Variants in IQSEC1 observed in about 807,000 individuals in gnomAD.
IQSEC1 encodes IQ motif and Sec7 domain ArfGEF 1, also known as IQ motif and SEC7 domain-containing protein 1.
A neutral mutation model predicts 91.0 loss-of-function variants in IQSEC1; 31 were observed. The observed-to-expected ratio is 0.34, with a 90% CI of 0.26 to 0.46. The LOEUF is 0.46. IQSEC1 is among the 20% of genes least tolerant of loss of function. The pLI is 1.00. For missense variants in IQSEC1, 1,388 were observed against 1,575.6 expected (o/e 0.88, Z 2.02); for synonymous variants, 699 against 662.6 (o/e 1.05, Z -0.84).
At chr3:12,953,048 T>C (rs1699664253) in intron 1 of IQSEC1, among the ~76,000 whole-genome samples, 1 of 152,192 alleles carries the variant, frequency 6.6e-6, no homozygotes, top group Non-Finnish European at 1.5e-5. Context: ...GGGAGGCCAG[T>C]CAGCTGCTGA....
At chr3:13,136,021 C>T (rs1311587668) in intron 2 of IQSEC1, among the ~76,000 whole-genome samples, 1 of 152,234 alleles carries the variant, frequency 6.6e-6, no homozygotes, top group Non-Finnish European at 1.5e-5. Context: ...GCGGTGCAGA[C>T]CCAGCCCTCC....
chr3:13,133,028 A>T (rs1217017687), intron 2 of IQSEC1, among the ~76,000 whole-genome samples: 2 of 152,246 alleles, frequency 1.3e-5, no homozygotes, highest in Non-Finnish European at 2.9e-5. Context: ...TGACATCAAC[A>T]TCGACATGGC....
chr3:12,981,137 C>A (rs539907370), intron 1 of IQSEC1, among the ~76,000 whole-genome samples: 3 of 152,136 alleles, frequency 2.0e-5, no homozygotes, highest in Non-Finnish European at 4.4e-5. Context: ...TGAGGCTTGG[C>A]GGGGTCGTGC....
rs926532139 is a variant in IQSEC1 at position 13,204,325 on chromosome 3, G to T, written c.273-40192C>A. ...AGCGCTGGTGCCCACTGACTCCCCC[G>T]ATGATCCCAGCCAAGAGAGACGGAG... is the stretch of plus-strand genomic sequence containing the variant. On this transcript the variant is annotated intron_variant, in intron 1 of 15. Coordinates refer to the IQSEC1 transcript ENST00000648114. 3.9e-5 allele frequency among the ~76,000 whole-genome samples: 6 copies of T among 152,270 alleles called. No individual in the cohort carries two copies. In the East Asian group the frequency reaches 1.2e-3, roughly 29 times the overall value.
chr3:13,164,431 C>G (rs1174538882), intron 1 of IQSEC1, among the ~76,000 whole-genome samples: 1 of 152,084 alleles, frequency 6.6e-6, no homozygotes, highest in South Asian at 2.1e-4. Context: ...CCCCAGGAGT[C>G]AAGAGCAAAG....
At position 12,983,251 on chromosome 3, in the gene IQSEC1, C is replaced by T. The variant is rs1207978883; in HGVS notation, c.24-41386G>A. On this transcript the variant is annotated intron_variant, in intron 1 of 13. Transcript: ENST00000613206. The surrounding 1 kb of genome is among the most constrained non-coding windows in gnomAD (Gnocchi z 4.3). ...AACAGGGGTTTCACCCAACCTTCCC[C>T]AGGTTGGGCATGGTGGCAAATTTAG... Among the ~76,000 whole-genome samples, 1 of 152,246 alleles carries T rather than the reference C, an allele frequency of 6.6e-6. No individual in the cohort carries two copies. The highest frequency in any genetic ancestry group is 2.4e-5 in the African/African-American group (1 of 41,464).
chr3:13,160,224 C>T (rs550443242), intron 2 of IQSEC1, among the ~76,000 whole-genome samples: 4 of 152,272 alleles, frequency 2.6e-5, no homozygotes, highest in Non-Finnish European at 5.9e-5. Context: ...GTGGCAACTC[C>T]GATCATTTGA....
intron 2 of IQSEC1, among the ~76,000 whole-genome samples, chr3:13,151,378 T>C (rs1706996619): frequency 6.6e-6 from 1 of 152,146 alleles, no homozygotes; most frequent in Non-Finnish European, 1.5e-5. Flanking sequence ...TGATTCATCA[T>C]TCAGGGACCA....
At chr3:13,102,286 T>TAAG (rs749738046) in intron 2 of IQSEC1, among the ~76,000 whole-genome samples, 2 of 151,536 alleles carry the variant, frequency 1.3e-5, no homozygotes, top group Non-Finnish European at 2.9e-5. Context: ...TGTCTCAAAA[T>TAAG]AATAATAATA....
At chr3:13,262,980 A>G (rs1695414913) in intron 1 of IQSEC1, among the ~76,000 whole-genome samples, 1 of 152,170 alleles carries the variant, frequency 6.6e-6, no homozygotes, top group African/African-American at 2.4e-5. Context: ...ACGGTTGCAC[A>G]ACAATGTGAA....
chr3:13,268,373 A>G (rs967812519), intron 1 of IQSEC1, among the ~76,000 whole-genome samples: 3 of 152,244 alleles, frequency 2.0e-5, no homozygotes, highest in African/African-American at 7.2e-5. Flanking sequence ...AGCACACAAC[A>G]GGTGCTTAAT....
chr3:13,058,366 T>C (rs1178701232), intron 1 of IQSEC1, among the ~76,000 whole-genome samples: 2 of 152,224 alleles, frequency 1.3e-5, no homozygotes, highest in African/African-American at 4.8e-5. Flanking sequence ...GCATGAAGGT[T>C]AGGAGAGGCC....
chr3:13,268,117 G>A (rs1056180673), intron 1 of IQSEC1, among the ~76,000 whole-genome samples: 14 of 152,330 alleles, frequency 9.2e-5, no homozygotes, highest in African/African-American at 2.9e-4. Flanking sequence ...AAACACAGAG[G>A]CCAGGTTCTG....
intron 1 of IQSEC1, among the ~76,000 whole-genome samples, chr3:12,989,330 A>C (rs1701884957): frequency 6.6e-6 from 1 of 152,228 alleles, no homozygotes; most frequent in Non-Finnish European, 1.5e-5. Context: ...TTCTATTTGC[A>C]CTTTCAGATC....
intron 2 of IQSEC1, among the ~76,000 whole-genome samples, chr3:13,139,316 T>C (rs543440344): frequency 6.6e-6 from 1 of 152,276 alleles, no homozygotes; most frequent in African/African-American, 2.4e-5. Flanking sequence ...AACAGAAAGA[T>C]CCCCTTTGGA....
chr3:12,993,625 C>T (rs1166307211), intron 1 of IQSEC1, among the ~76,000 whole-genome samples: 2 of 152,226 alleles, frequency 1.3e-5, no homozygotes, highest in African/African-American at 4.8e-5. Flanking sequence ...CCTCCCCGAC[C>T]CCCAATATCG....
intron 1 of IQSEC1, among the ~76,000 whole-genome samples, chr3:13,231,442 G>C (rs1342283412): frequency 2.0e-5 from 3 of 152,162 alleles, no homozygotes; most frequent in African/African-American, 7.2e-5. Context: ...TGGTCTTCTT[G>C]CTGCAGCCTC....
intron 1 of IQSEC1, among the ~76,000 whole-genome samples, chr3:13,007,782 T>C (rs1484099490): frequency 6.6e-6 from 1 of 152,186 alleles, no homozygotes; most frequent in Non-Finnish European, 1.5e-5. Context: ...GCAGATGAAA[T>C]GTAATTCTTG....
At chr3:13,018,248 G>A (rs1703236484) in intron 1 of IQSEC1, among the ~76,000 whole-genome samples, 2 of 152,202 alleles carry the variant, frequency 1.3e-5, no homozygotes, top group African/African-American at 4.8e-5. Flanking sequence ...GGCATCAGAT[G>A]GCTAATTGTC....
Sources: allele counts gnomAD v4.1 joint callset (sites outside exome capture counted in the v4.1 genomes callset), GRCh38; gene constraint gnomAD v4.1.1; non-coding constraint Gnocchi (gnomAD v3.1); transcripts MANE v1.5; gene names NCBI Gene and HGNC (gene_info 2026-07-23, HGNC 2026-07-21).